RFX2: variants seen among roughly 807,000 people sequenced by gnomAD.
The protein encoded by RFX2 is DNA-binding protein RFX2.
In RFX2, 20 loss-of-function variants were observed where a neutral mutation model predicts 87.8. The ratio of observed to expected loss-of-function variants is 0.23; its 90% CI spans 0.16 to 0.33. RFX2 has a LOEUF of 0.33. RFX2 is among the 10% of genes least tolerant of loss of function. The pLI is 1.00. For missense variants in RFX2, 767 were observed against 1,012.3 expected, an observed-to-expected ratio of 0.76 and a Z score of 3.29; for synonymous variants, 397 against 431.3, an observed-to-expected ratio of 0.92 and a Z score of 0.98.
At chr19:6,105,045 G>C (rs545265568) in intron 1 of RFX2, among the ~76,000 whole-genome samples, 1 of 151,286 alleles carries the variant, frequency 6.6e-6, no homozygotes, top group African/African-American at 2.4e-5. Flanking sequence ...TTGAACCTGG[G>C]TGTCAGAGGT....
chr19:6,085,382 A>C (rs984941684), intron 1 of RFX2, among the ~76,000 whole-genome samples: 2 of 152,246 alleles, frequency 1.3e-5, no homozygotes, highest in African/African-American at 4.8e-5. Context: ...ACTGGTATGA[A>C]GCACCTTTCC....
intron 5 of RFX2, among the ~76,000 whole-genome samples, chr19:6,029,415 A>T (rs545983528): frequency 6.6e-6 from 1 of 152,050 alleles, no homozygotes; most frequent in East Asian, 1.9e-4. Context: ...GCACTATAAA[A>T]AACCATGACA....
At position 5,997,299 on chromosome 19, in the gene RFX2, C is replaced by G; in HGVS notation, c.1860-86G>C. The G allele has an allele frequency of 7.2e-7, 1 of 1,383,106 alleles. No homozygotes were observed. The highest frequency in any genetic ancestry group is 9.6e-7 in the Non-Finnish European group (1 of 1,038,854). The allele number at this position is 1,383,106 out of a possible 1,614,324, so 85.7% of individuals were successfully genotyped here. ...CCAGACTTCATGGCAGCAACACACC[C>G]CCTGCTCTACGTTCCCTGGGGAACC... is the stretch of plus-strand genomic sequence containing the variant. On this transcript the variant is annotated intron_variant, in intron 15 of 17. Transcript: ENST00000303657. The surrounding 1 kb of genome is among the most constrained non-coding windows in gnomAD (Gnocchi z 4.2).
rs1353116970 is a variant in RFX2, at chr19:6,012,727, G to T, written c.899+259C>A. ...TCAATTTTGCTGTGAACCTAGAATG[G>T]CTCTAAAAAATGAAGTCTGTTAAAA... On this transcript the variant is annotated intron_variant, in intron 8 of 17. Coordinates refer to ENST00000303657, the MANE Select transcript of RFX2 (RefSeq NM_000635.4). This position sits in a 1 kb window ranked among gnomAD's most constrained non-coding sequence, Gnocchi z 4.6. Among the ~76,000 whole-genome samples, 1 of 152,048 alleles carries T rather than the reference G, an allele frequency of 6.6e-6. No homozygotes were observed. The highest frequency in any genetic ancestry group is 1.5e-5 in the Non-Finnish European group (1 of 68,000).
chr19:5,995,028 A>G (rs1310756053), intron 17 of RFX2, 78 bp from the exon 18 acceptor site: 1 of 1,155,392 alleles, frequency 8.7e-7, no homozygotes, highest in East Asian at 2.4e-5. Context: ...CGTTCCGAGA[A>G]CTGCTCCGGC....
At position 6,024,795 on chromosome 19, in the gene RFX2, G is replaced by A. The variant is rs961498728; in HGVS notation, c.597+1368C>T. On this transcript the variant is annotated intron_variant, in intron 6 of 17. Coordinates refer to ENST00000303657, the MANE Select transcript of RFX2 (RefSeq NM_000635.4). The surrounding 1 kb of genome is among the most constrained non-coding windows in gnomAD (Gnocchi z 5.0). Reference sequence around the variant, plus strand: ...TCACGGTGAGGACGGGAGTGAGGACGGGATCACGGTGAGGACGGGAGTGAG... The same window carrying A: ...TCACGGTGAGGACGGGAGTGAGGACAGGATCACGGTGAGGACGGGAGTGAG... 8.1e-6 allele frequency among the ~76,000 whole-genome samples: 1 copy of A among 123,470 alleles called. No individual in the cohort carries two copies. Among genetic ancestry groups the A allele is most frequent in the African/African-American group, 3.4e-5 (1 of 29,724 alleles). 81.0% of individuals were successfully genotyped at this position (123,470 alleles called of 152,430 possible). A position where few individuals can be genotyped will look rare whatever the true frequency, so the allele number is the denominator to read the frequency against.
intron 1 of RFX2, chr19:6,072,915 T>C (rs925455585): frequency 1.1e-6 from 1 of 934,360 alleles, no homozygotes; most frequent in Admixed American, 1.8e-5. Flanking sequence ...ATGTCAAAAT[T>C]AAGTGTAACT....
At position 6,013,096 on chromosome 19, in the gene RFX2, C is replaced by A; in HGVS notation, c.789G>T (p.Ser263=). ...RTRRLGTRGN[S]KYHYYGIRLK... ...GACGAATCCCATAGTAATGGTACTT[C>A]GAGTTGCCCCTGGAAACCAAACATC... The change falls in exon 8 of 18, where the codon TCG becomes TCT. Residue 263 remains serine (S), a synonymous_variant. Coordinates refer to ENST00000303657, the MANE Select transcript of RFX2 (RefSeq NM_000635.4). The surrounding 1 kb of genome is among the most constrained non-coding windows in gnomAD (Gnocchi z 4.1). 1 of 1,588,084 alleles carries A rather than the reference C, an allele frequency of 6.3e-7. No individual in the cohort carries two copies. Among genetic ancestry groups the A allele is most frequent in the Non-Finnish European group, 8.6e-7 (1 of 1,168,554 alleles).
intron 5 of RFX2, among the ~76,000 whole-genome samples, chr19:6,034,374 G>A (rs2086993184): frequency 6.6e-6 from 1 of 151,936 alleles, no homozygotes; most frequent in Non-Finnish European, 1.5e-5. Flanking sequence ...GACTACAGGT[G>A]CGCACCACCA....
chr19:6,103,630 T>A (rs1227822714), intron 1 of RFX2, among the ~76,000 whole-genome samples: 4 of 151,982 alleles, frequency 2.6e-5, no homozygotes. Context: ...GTTTGGGGAG[T>A]CATTTCAGAG....
chr19:6,093,694 G>T (rs759500102), intron 1 of RFX2, among the ~76,000 whole-genome samples: 1 of 151,082 alleles, frequency 6.6e-6, no homozygotes, highest in Non-Finnish European at 1.5e-5. Context: ...GCAGAAAAGT[G>T]AGAAAAATAA....
chr19:6,039,704 G>A lies in RFX2; in HGVS notation c.522+276C>T, dbSNP rs2087076384. 6.6e-6 allele frequency among the ~76,000 whole-genome samples: 1 copy of A among 152,218 alleles called. No individual in the cohort carries two copies. The highest frequency in any genetic ancestry group is 1.5e-5 in the Non-Finnish European group (1 of 68,036). ...AGGCTGCAGCATCCACCAGTGGAGAGATGCTTGACTCATTCCCTTTTCACA... is the reference window on the plus strand; with the variant it reads ...AGGCTGCAGCATCCACCAGTGGAGAAATGCTTGACTCATTCCCTTTTCACA... On this transcript the variant is annotated intron_variant, in intron 5 of 17. Coordinates refer to ENST00000303657, the MANE Select transcript of RFX2 (RefSeq NM_000635.4). This position sits in a 1 kb window ranked among gnomAD's most constrained non-coding sequence, Gnocchi z 5.2.
intron 12 of RFX2, among the ~76,000 whole-genome samples, chr19:6,005,118 C>A (rs1026100832): frequency 2.6e-5 from 4 of 152,166 alleles, no homozygotes; most frequent in East Asian, 1.9e-4. Flanking sequence ...TTAAAAAAAA[C>A]CAGAAAAATA....
rs1037513918 is a variant in RFX2, at chr19:6,004,809, A to G, written c.1403-511T>C. ...CAAATGATCAGACTGTTAAAAAAAAAAAAAACCAAAAAACAAAAACAGAAA... is the reference window on the plus strand; with the variant it reads ...CAAATGATCAGACTGTTAAAAAAAAGAAAAACCAAAAAACAAAAACAGAAA... On this transcript the variant is annotated intron_variant, in intron 12 of 17. Transcript: ENST00000303657. This position sits in a 1 kb window ranked among gnomAD's most constrained non-coding sequence, Gnocchi z 4.8. 6.6e-6 allele frequency among the ~76,000 whole-genome samples: 1 copy of G among 152,084 alleles called. No individual in the cohort carries two copies. The highest frequency in any genetic ancestry group is 2.4e-5 in the African/African-American group (1 of 41,440).
chr19:6,031,451 ATCG>A (rs2144744689), intron 5 of RFX2, among the ~76,000 whole-genome samples: 1 of 54,554 alleles, frequency 1.8e-5, no homozygotes, highest in South Asian at 5.6e-4. Flanking sequence ...TTTTTTTGAG[ATCG>A]AGTCTCACTC....
At position 6,047,807 on chromosome 19, in the gene RFX2, T is replaced by G. The variant is rs1432081225; in HGVS notation, c.-8-303A>C. ...GGGACACTGGCTCTGTGCCCAAGTCTGAGCAGGTTGAACTATTTTGAAGGG... is the reference window on the plus strand; with the variant it reads ...GGGACACTGGCTCTGTGCCCAAGTCGGAGCAGGTTGAACTATTTTGAAGGG... On this transcript the variant is annotated intron_variant, in intron 1 of 17. Transcript: ENST00000303657. This position sits in a 1 kb window ranked among gnomAD's most constrained non-coding sequence, Gnocchi z 4.2. 6.6e-6 allele frequency among the ~76,000 whole-genome samples: 1 copy of G among 152,216 alleles called. No individual in the cohort carries two copies. Among genetic ancestry groups the G allele is most frequent in the Non-Finnish European group, 1.5e-5 (1 of 68,038 alleles).
intron 1 of RFX2, among the ~76,000 whole-genome samples, chr19:6,106,069 C>G (rs1273376975): frequency 2.6e-5 from 4 of 152,220 alleles, no homozygotes; most frequent in African/African-American, 9.6e-5. Context: ...TTTTGCCACT[C>G]CTCCTTCACC....
rs1366390733 is a variant in RFX2, at chr19:6,016,356, G to T, written c.598-85C>A. ...CGTGGACTCATTAAGAGAATTACTT[G>T]CGTTCCCTGTGTTACCAAATGGGAT... is the stretch of plus-strand genomic sequence containing the variant. On this transcript the variant is annotated intron_variant, in intron 6 of 17. Coordinates refer to ENST00000303657, the MANE Select transcript of RFX2 (RefSeq NM_000635.4). This position sits in a 1 kb window ranked among gnomAD's most constrained non-coding sequence, Gnocchi z 5.4. 1 of 936,790 alleles carries T rather than the reference G, an allele frequency of 1.1e-6. No individual in the cohort carries two copies. Among genetic ancestry groups the T allele is most frequent in the Non-Finnish European group, 1.6e-6 (1 of 641,752 alleles). The allele number at this position is 936,790 out of a possible 1,614,324, so 58.0% of individuals were successfully genotyped here.
rs2086541981 is a variant in RFX2, at chr19:6,004,181, A to AG, written c.1500+19dup. On this transcript the variant is annotated intron_variant, in intron 13 of 17. Transcript: ENST00000303657. This position sits in a 1 kb window ranked among gnomAD's most constrained non-coding sequence, Gnocchi z 4.8. ...CCTCCCAGCCATCGTTGGGGAGCCC[A>AG]GGCCCCACCCCGGACGCACCTTGGT... The AG allele has an allele frequency of 6.3e-7, 1 of 1,594,722 alleles. No homozygotes were observed. The highest frequency in any genetic ancestry group is 1.3e-5 in the African/African-American group (1 of 74,724).
Sources: gnomAD v4.1 joint callset for allele counts (sites outside exome capture counted in the v4.1 genomes callset) on GRCh38, gnomAD v4.1.1 for gene constraint, Gnocchi (gnomAD v3.1) non-coding constraint, MANE v1.5 for transcripts, NCBI Gene and HGNC (gene_info 2026-07-23, HGNC 2026-07-21) for gene names.